The following SUCO variants were observed in gnomAD, a reference collection of about 807,000 sequenced individuals.
SUCO encodes the protein SUN domain containing ossification factor.
A neutral mutation model predicts 148.1 loss-of-function variants in SUCO; 57 were observed. The ratio of observed to expected loss-of-function variants is 0.38; its 90% CI spans 0.31 to 0.48. The LOEUF is 0.48. Ranked by LOEUF, SUCO falls within the 20% of genes least tolerant of loss-of-function variation. The pLI, the probability that SUCO is intolerant of heterozygous loss-of-function variation, is 0.96. For synonymous variants in SUCO, 470 were observed against 502.7 expected (o/e 0.93, Z 0.87); for missense variants, 1,331 against 1,468.2 (o/e 0.91, Z 1.53).
At chr1:172,573,647 A>T (rs12120798) in intron 9 of SUCO, among the ~76,000 whole-genome samples, 41,091 of 151,374 alleles carry the variant, frequency 0.27, 5,945 homozygotes, top group South Asian at 0.39. Flanking sequence ...AGGAATTTTT[A>T]AAAAAAAATG....
At chr1:172,563,789 G>A (rs1332312901) in intron 6 of SUCO, among the ~76,000 whole-genome samples, 1 of 152,174 alleles carries the variant, frequency 6.6e-6, no homozygotes, top group East Asian at 1.9e-4. Flanking sequence ...AGAAAGTGGG[G>A]GAAATGCTTT....
chr1:172,536,127 A>G (rs1651994924), intron 1 of SUCO, among the ~76,000 whole-genome samples: 3 of 152,190 alleles, frequency 2.0e-5, no homozygotes, highest in Non-Finnish European at 2.9e-5. Context: ...ACCCTATAAG[A>G]TAGGTATTAT....
In SUCO at chr1:172,589,473, C is replaced by CTAT; in HGVS notation, c.2375_2377dup (p.Ile792dup). On this transcript the variant is annotated inframe_insertion, in exon 18 of 24. Coordinates refer to ENST00000263688, the MANE Select transcript of SUCO (RefSeq NM_014283.5). The stretch of plus-strand genomic sequence containing the variant: ...AGCTTTAGTTCTATAGAGAAACCAT[C>CTAT]TATTACCTATGAAACAAATAAAGTT... 3 of 1,611,142 alleles carry CTAT rather than the reference C, an allele frequency of 1.9e-6. No homozygotes were observed. Among genetic ancestry groups the CTAT allele is most frequent in the Non-Finnish European group, 2.5e-6 (3 of 1,178,954 alleles).
At chr1:172,587,457 C>G (rs958593603) in intron 17 of SUCO, among the ~76,000 whole-genome samples, 2 of 151,822 alleles carry the variant, frequency 1.3e-5, no homozygotes, top group Non-Finnish European at 1.5e-5. Flanking sequence ...TATTTTTTAC[C>G]AAATTCAATA....
At position 172,609,115 on chromosome 1, in the gene SUCO, A is replaced by G. The variant is rs562924809; in HGVS notation, c.3321+313A>G. The G allele has an allele frequency of 2.0e-5, 10 of 503,340 alleles. No homozygotes were observed. In the East Asian group the frequency reaches 1.1e-3, roughly 53 times the overall value. The allele number at this position is 503,340 out of a possible 1,614,324, so 31.2% of individuals were successfully genotyped here. On this transcript the variant is annotated intron_variant, in intron 23 of 23. Transcript: ENST00000263688. Reference sequence around the variant, plus strand: ...GACCCTTCACAAAAAAAATTTGTTGATCCTTGGATGATTGTCATTATTTAT... The same window carrying G: ...GACCCTTCACAAAAAAAATTTGTTGGTCCTTGGATGATTGTCATTATTTAT...
rs941450728 is a variant in SUCO at position 172,589,589 on chromosome 1, A to C, written c.2488A>C (p.Thr830Pro). Residue 830 changes from threonine (T) to proline (P), a missense_variant, in exon 18 of 24, where the codon ACA (threonine) becomes CCA (proline). By Grantham distance (38) the Thr-to-Pro change is conservative. Transcript: ENST00000263688. The stretch of plus-strand genomic sequence containing the variant: ...TGAAACAATAGTGCCACCAATAAAT[A>C]CAGCCACTGTACCCGACAATGAAGA... ...LSETIVPPIN[T>P]ATVPDNEDGE... The C allele has an allele frequency of 6.2e-7, 1 of 1,613,700 alleles. No individual in the cohort carries two copies. The highest frequency in any genetic ancestry group is 8.5e-7 in the Non-Finnish European group (1 of 1,179,870).
chr1:172,533,045 G>C, upstream of SUCO: 1 of 1,432,018 alleles, frequency 7.0e-7, no homozygotes, highest in Non-Finnish European at 9.1e-7. Flanking sequence ...TCAGCGGTGT[G>C]TGAGGTGTCG....
In SUCO at chr1:172,610,519, G is replaced by A. The variant is rs1017098021; in HGVS notation, c.*260G>A. 8 of 350,944 alleles carry A rather than the reference G, an allele frequency of 2.3e-5. No individual in the cohort carries two copies. The highest frequency in any genetic ancestry group is 3.8e-5 in the Non-Finnish European group (8 of 209,164). The allele number at this position is 350,944 out of a possible 1,614,324, so 21.7% of individuals were successfully genotyped here. On this transcript the variant is annotated 3_prime_UTR_variant, in exon 24 of 24. Coordinates refer to ENST00000263688, the MANE Select transcript of SUCO (RefSeq NM_014283.5). ...GTTTTTTCACAAGATTAATTACTGG[G>A]ACAAAAGTAATTTGGAAGCCCAGTT...
rs1655499112 is a variant in SUCO at position 172,577,059 on chromosome 1, A to G, written c.1264-480A>G. 1.2e-5 allele frequency: 9 copies of G among 749,150 alleles called. No individual in the cohort carries two copies. In the South Asian group the frequency reaches 3.0e-4, roughly 25 times the overall value. 46.4% of individuals were successfully genotyped at this position (749,150 alleles called of 1,614,324 possible). ...CCCCGAAATAAGTTGTATATAATAT[A>G]CAAGTATAAATATCATTCCATAATG... On this transcript the variant is annotated intron_variant, in intron 11 of 23. Transcript: ENST00000263688.
At chr1:172,555,184 A>T (rs1283179066) in intron 3 of SUCO, among the ~76,000 whole-genome samples, 1 of 152,198 alleles carries the variant, frequency 6.6e-6, no homozygotes, top group Non-Finnish European at 1.5e-5. Context: ...GGTATAGTTG[A>T]AGAAGAGAGG....
intron 19 of SUCO, among the ~76,000 whole-genome samples, chr1:172,599,753 A>T (rs531097101): frequency 6.6e-6 from 1 of 152,354 alleles, no homozygotes; most frequent in Non-Finnish European, 1.5e-5. Flanking sequence ...GCTAGTTTAT[A>T]TATATGGAAC....
intron 15 of SUCO, chr1:172,584,325 T>C (rs1656087042): frequency 1.2e-6 from 1 of 859,900 alleles, no homozygotes; most frequent in Non-Finnish European, 1.4e-6. Context: ...TGTAGAGAAT[T>C]TTTAAAGAAA....
chr1:172,563,800 T>C (rs1654354391), intron 6 of SUCO, among the ~76,000 whole-genome samples: 1 of 152,190 alleles, frequency 6.6e-6, no homozygotes, highest in Non-Finnish European at 1.5e-5. Flanking sequence ...GAAATGCTTT[T>C]AGGGCATTTC....
chr1:172,608,596 AAT>A (rs1658004118), intron 22 of SUCO, 149 bp from the exon 23 acceptor site: 1 of 680,818 alleles, frequency 1.5e-6, no homozygotes, highest in East Asian at 2.7e-5. Context: ...AAAATGCATA[AAT>A]ATATAGTTAA....
chr1:172,538,836 G>A (rs1056500621), intron 1 of SUCO, among the ~76,000 whole-genome samples: 3 of 152,164 alleles, frequency 2.0e-5, no homozygotes, highest in Non-Finnish European at 4.4e-5. Context: ...TACAGTGTCA[G>A]ATCCCTTCAG....
intron 1 of SUCO, among the ~76,000 whole-genome samples, chr1:172,540,363 G>A (rs1652359385): frequency 6.6e-6 from 1 of 152,118 alleles, no homozygotes; most frequent in Non-Finnish European, 1.5e-5. Flanking sequence ...AGCCTAGGAA[G>A]GAATGGACAT....
chr1:172,545,812 C>G (rs554956038), intron 1 of SUCO, among the ~76,000 whole-genome samples: 1 of 152,304 alleles, frequency 6.6e-6, no homozygotes, highest in Non-Finnish European at 1.5e-5. Flanking sequence ...ACATTTATTT[C>G]AGTTCCTCCT....
intron 6 of SUCO, among the ~76,000 whole-genome samples, chr1:172,562,890 T>A (rs1298200038): frequency 6.6e-6 from 1 of 151,968 alleles, no homozygotes; most frequent in African/African-American, 2.4e-5. Flanking sequence ...ATTGTGGGGG[T>A]GGAATTTCCC....
chr1:172,533,005 C>T, upstream of SUCO: 2 of 1,418,260 alleles, frequency 1.4e-6, no homozygotes, highest in Middle Eastern at 2.6e-4. Flanking sequence ...GCGGGCGCCG[C>T]GGGACTTGGG....
Sources: gnomAD v4.1 joint callset for allele counts (sites outside exome capture counted in the v4.1 genomes callset) on GRCh38, gnomAD v4.1.1 for gene constraint, MANE v1.5 for transcripts, NCBI Gene and HGNC (gene_info 2026-07-23, HGNC 2026-07-21) for gene names.